Variants in MYLK4 observed in about 807,000 individuals in gnomAD.
The protein encoded by MYLK4 is myosin light chain kinase family member 4.
A neutral mutation model predicts 48.1 loss-of-function variants in MYLK4; 46 were observed. The ratio of observed to expected loss-of-function variants is 0.96; its 90% CI spans 0.75 to 1.22. MYLK4 has a LOEUF of 1.22. Among genes scored for constraint, MYLK4 ranks in the 50% most tolerant of loss-of-function variants. The pLI is 0.00. For missense variants in MYLK4, 451 were observed against 486.1 expected, an observed-to-expected ratio of 0.93 and a Z score of 0.68; for synonymous variants, 170 against 180.8, an observed-to-expected ratio of 0.94 and a Z score of 0.48.
chr6:2,741,780 C>T (rs183276397), intron 2 of MYLK4, among the ~76,000 whole-genome samples: 10 of 152,330 alleles, frequency 6.6e-5, no homozygotes, highest in African/African-American at 2.4e-4. Flanking sequence ...CAAAAACATT[C>T]TGAAATATAC....
chr6:2,762,134 T>C, the MYLK4 span, among the ~76,000 whole-genome samples: 1 of 152,156 alleles, frequency 6.6e-6, no homozygotes, highest in Admixed American at 6.5e-5. Flanking sequence ...GGTCCCCAAC[T>C]CCTGTCCTTT....
At chr6:2,757,251 G>A in the MYLK4 span, among the ~76,000 whole-genome samples, 10 of 151,992 alleles carry the variant, frequency 6.6e-5, no homozygotes, top group African/African-American at 9.7e-5. Context: ...ATGTCCAAAA[G>A]TATTGAAGAA....
intron 2 of MYLK4, among the ~76,000 whole-genome samples, chr6:2,748,480 C>T (rs985383630): frequency 5.3e-5 from 8 of 152,194 alleles, no homozygotes; most frequent in East Asian, 1.9e-4. Flanking sequence ...TTGCTGCTGC[C>T]GCTAACACAT....
chr6:2,730,040 A>T (rs1019124014), intron 2 of MYLK4, among the ~76,000 whole-genome samples: 3 of 152,232 alleles, frequency 2.0e-5, no homozygotes, highest in Non-Finnish European at 4.4e-5. Flanking sequence ...ATAAAATGTC[A>T]GTGGTTCGAC....
intron 2 of MYLK4, among the ~76,000 whole-genome samples, chr6:2,705,667 A>T (rs987250009): frequency 6.6e-6 from 1 of 152,238 alleles, no homozygotes; most frequent in Non-Finnish European, 1.5e-5. Context: ...TTTATTTTCC[A>T]TGTTGGCTGA....
chr6:2,760,008 G>A, the MYLK4 span, among the ~76,000 whole-genome samples: 4 of 151,988 alleles, frequency 2.6e-5, no homozygotes, highest in Admixed American at 2.6e-4. Flanking sequence ...AGAAACAGCA[G>A]TACAATTAAT....
intron 2 of MYLK4, among the ~76,000 whole-genome samples, chr6:2,711,641 C>T (rs1360708230): frequency 5.3e-5 from 8 of 152,168 alleles, no homozygotes; most frequent in East Asian, 3.8e-4. Context: ...GGAAGGACCA[C>T]GACCTCACAG....
chr6:2,716,752 ATACCTTTCTGTACCTCAAT>A (rs1302849283), intron 2 of MYLK4, among the ~76,000 whole-genome samples: 1 of 152,240 alleles, frequency 6.6e-6, no homozygotes, highest in Non-Finnish European at 1.5e-5. Context: ...TGGACAAGCT[ATACCTTTCTGTACCTCAAT>A]TTTCACCTGT....
At chr6:2,750,105 G>T (rs1764238007) in intron 1 of MYLK4, among the ~76,000 whole-genome samples, 1 of 152,152 alleles carries the variant, frequency 6.6e-6, no homozygotes, top group South Asian at 2.1e-4. Context: ...TCACTTGATT[G>T]CATAGAGAGG....
At chr6:2,760,659 A>G in the MYLK4 span, among the ~76,000 whole-genome samples, 2 of 152,176 alleles carry the variant, frequency 1.3e-5, no homozygotes, top group Non-Finnish European at 2.9e-5. Flanking sequence ...TTTTTATACT[A>G]TGAATATCAA....
chr6:2,669,077 A>C (rs77400168), intron 12 of MYLK4, among the ~76,000 whole-genome samples: 2,046 of 152,216 alleles, frequency 0.013, 53 homozygotes, highest in African/African-American at 0.047. Context: ...CTAATTAAAA[A>C]AAAAACAAAA....
intron 7 of MYLK4, among the ~76,000 whole-genome samples, chr6:2,681,246 G>A (rs1222696861): frequency 6.6e-6 from 1 of 152,172 alleles, no homozygotes; most frequent in African/African-American, 2.4e-5. Context: ...CTGTCCAGGT[G>A]GAGAAGAGGT....
the MYLK4 span, among the ~76,000 whole-genome samples, chr6:2,757,145 T>G: frequency 7.9e-5 from 12 of 152,044 alleles, no homozygotes; most frequent in Non-Finnish European, 1.5e-4. Context: ...TGTGCTTTTT[T>G]TTTTTTTAAT....
chr6:2,747,004 G>A (rs868128787), intron 2 of MYLK4, among the ~76,000 whole-genome samples: 4 of 152,160 alleles, frequency 2.6e-5, no homozygotes, highest in Non-Finnish European at 4.4e-5. Flanking sequence ...CCACGTGGAC[G>A]GAGAGAGACA....
intron 7 of MYLK4, among the ~76,000 whole-genome samples, chr6:2,681,894 A>T (rs1761319244): frequency 6.6e-6 from 1 of 152,264 alleles, no homozygotes; most frequent in South Asian, 2.1e-4. Context: ...CTGTAGGGAT[A>T]TCTGCAGAAT....
chr6:2,729,020 A>T (rs1763383382), intron 2 of MYLK4, among the ~76,000 whole-genome samples: 1 of 152,142 alleles, frequency 6.6e-6, no homozygotes, highest in Non-Finnish European at 1.5e-5. Context: ...GTGTACACAC[A>T]TGCCATGGTT....
At chr6:2,677,255 T>G (rs1191992027) in intron 10 of MYLK4, among the ~76,000 whole-genome samples, 1 of 152,128 alleles carries the variant, frequency 6.6e-6, no homozygotes, top group Non-Finnish European at 1.5e-5. Flanking sequence ...CATGACACAT[T>G]TCCTGGCACA....
chr6:2,768,864 G>A, the MYLK4 span: 1 of 1,610,534 alleles, frequency 6.2e-7, no homozygotes, highest in South Asian at 1.1e-5. Flanking sequence ...AGATTCATCG[G>A]TTCAATAAAT....
intron 4 of MYLK4, among the ~76,000 whole-genome samples, chr6:2,686,988 G>A (rs2113146791): frequency 6.6e-6 from 1 of 152,210 alleles, no homozygotes; most frequent in Non-Finnish European, 1.5e-5. Context: ...CTGATTTATT[G>A]TGCAAGGGCC....
Sources: allele counts gnomAD v4.1 joint callset (sites outside exome capture counted in the v4.1 genomes callset), GRCh38; gene constraint gnomAD v4.1.1; transcripts MANE v1.5; gene names NCBI Gene and HGNC (gene_info 2026-07-23, HGNC 2026-07-21).